The following PIK3C3 variants were observed in gnomAD, a reference collection of about 807,000 sequenced individuals.
The protein encoded by PIK3C3 is PI3-kinase type 3.
A neutral mutation model predicts 126.1 loss-of-function variants in PIK3C3; 95 were observed. That is an observed-to-expected ratio of 0.75 (90% CI 0.64 to 0.89). PIK3C3 has a LOEUF of 0.89. Among genes scored for constraint, PIK3C3 ranks in the 40% least tolerant of loss-of-function variants. PIK3C3 has a pLI of 0.00. For missense variants in PIK3C3, 829 were observed against 1,063.2 expected, an observed-to-expected ratio of 0.78 and a Z score of 3.06; for synonymous variants, 374 against 360.0, an observed-to-expected ratio of 1.04 and a Z score of -0.44.
intron 24 of PIK3C3, 150 bp from the exon 25 acceptor site, chr18:42,080,973 G>C (rs1011559833): frequency 1.8e-6 from 1 of 549,724 alleles, no homozygotes; most frequent in African/African-American, 1.9e-5. Context: ...ATACAGTATA[G>C]TTAATTGCAA....
rs1598925900 is a variant in PIK3C3, at chr18:42,043,681, T to G, written c.2104-52T>G. ...TCACTATTTATAGTTTCAAAACACC[T>G]AGTTTGTTTGTTTGTACTTAATTCT... is the stretch of plus-strand genomic sequence containing the variant. On this transcript the variant is annotated intron_variant, in intron 19 of 24. Transcript: ENST00000262039. 6 of 1,177,706 alleles carry G rather than the reference T, an allele frequency of 5.1e-6. No homozygotes were observed. The East Asian group carries it at 1.4e-4, about 28-fold the overall frequency. 73.0% of individuals were successfully genotyped at this position (1,177,706 alleles called of 1,614,324 possible).
At chr18:42,009,861 G>C (rs950985680) in intron 10 of PIK3C3, among the ~76,000 whole-genome samples, 6 of 152,044 alleles carry the variant, frequency 3.9e-5, no homozygotes, top group African/African-American at 1.4e-4. Flanking sequence ...CCCTTAGCAA[G>C]TTGTAGTCTT....
Position 42,081,272 on chromosome 18 carries a change from A to G in PIK3C3, c.*135A>G. On this transcript the variant is annotated 3_prime_UTR_variant, in exon 25 of 25. Coordinates refer to ENST00000262039, the MANE Select transcript of PIK3C3 (RefSeq NM_002647.4). ...CTTCAAGTTACCATATTTTCCAAAT[A>G]TTACATGGTACCTGAGTTCTGCTTC... 1.8e-6 allele frequency: 1 copy of G among 570,616 alleles called. No homozygotes were observed. The highest frequency in any genetic ancestry group is 3.1e-6 in the Non-Finnish European group (1 of 318,868). 35.3% of individuals were successfully genotyped at this position (570,616 alleles called of 1,614,324 possible). A position where few individuals can be genotyped will look rare whatever the true frequency, so the allele number is the denominator to read the frequency against.
chr18:42,020,979 G>A (rs557991024), intron 13 of PIK3C3, among the ~76,000 whole-genome samples: 8 of 152,074 alleles, frequency 5.3e-5, no homozygotes, highest in Admixed American at 2.0e-4. Context: ...TATCTGTTTG[G>A]CATGTAAAGT....
intron 12 of PIK3C3, among the ~76,000 whole-genome samples, chr18:42,017,520 A>G (rs1983129541): frequency 6.6e-6 from 1 of 152,056 alleles, no homozygotes; most frequent in African/African-American, 2.4e-5. Flanking sequence ...TTTCTGCTTT[A>G]TCTGTGAAAG....
At chr18:42,046,439 A>G (rs1364200817) in intron 20 of PIK3C3, among the ~76,000 whole-genome samples, 1 of 152,170 alleles carries the variant, frequency 6.6e-6, no homozygotes, top group African/African-American at 2.4e-5. Context: ...ATACACACAT[A>G]TCTTTACTAA....
intron 4 of PIK3C3, among the ~76,000 whole-genome samples, chr18:41,985,371 C>T (rs1172727887): frequency 2.0e-5 from 3 of 152,054 alleles, no homozygotes; most frequent in African/African-American, 7.2e-5. Context: ...CTGTGGAAAT[C>T]ATAAAATTAG....
intron 10 of PIK3C3, among the ~76,000 whole-genome samples, chr18:42,009,241 T>C (rs1982689643): frequency 6.6e-6 from 1 of 152,184 alleles, no homozygotes; most frequent in Non-Finnish European, 1.5e-5. Flanking sequence ...TAGAGAGACT[T>C]GATTTCCCTG....
intron 15 of PIK3C3, among the ~76,000 whole-genome samples, chr18:42,030,451 A>G (rs1983771936): frequency 2.0e-5 from 3 of 152,220 alleles, no homozygotes; most frequent in Admixed American, 6.5e-5. Context: ...TTGTAAAACA[A>G]CACATTTTAG....
At chr18:42,064,467 T>G (rs1021605876) in intron 22 of PIK3C3, among the ~76,000 whole-genome samples, 1 of 152,130 alleles carries the variant, frequency 6.6e-6, no homozygotes, top group African/African-American at 2.4e-5. Context: ...ATATATATAC[T>G]TACTAAAAAA....
chr18:42,041,770 T>G (rs557138551), intron 19 of PIK3C3, among the ~76,000 whole-genome samples: 4 of 152,340 alleles, frequency 2.6e-5, no homozygotes, highest in Non-Finnish European at 5.9e-5. Context: ...CTGATTCTTT[T>G]GCAAAGCAAG....
At chr18:41,977,065 A>G (rs1490922641) in intron 4 of PIK3C3, among the ~76,000 whole-genome samples, 4 of 152,196 alleles carry the variant, frequency 2.6e-5, no homozygotes. Context: ...AGGTAGATAG[A>G]ATATGAAGCA....
At chr18:42,075,426 A>G (rs954238263) in intron 24 of PIK3C3, among the ~76,000 whole-genome samples, 21 of 152,084 alleles carry the variant, frequency 1.4e-4, no homozygotes, top group Admixed American at 9.8e-4. Flanking sequence ...CCCAGATCTA[A>G]TTTATTTGAA....
Position 41,957,555 on chromosome 18 carries a change from G to C in PIK3C3, c.69-15G>C. ...AAAATTCATGTCTGAAACATTGTTG[G>C]TCTTGTGCTTTCAGAGGAAGCTTGG... On this transcript the variant is annotated splice_polypyrimidine_tract_variant and intron_variant, in intron 1 of 24. Coordinates refer to ENST00000262039, the MANE Select transcript of PIK3C3 (RefSeq NM_002647.4). The C allele has an allele frequency of 6.2e-7, 1 of 1,603,392 alleles. No individual in the cohort carries two copies.
At chr18:42,067,588 T>C in intron 24 of PIK3C3, 75 bp downstream of exon 24, 1 of 1,479,502 alleles carries the variant, frequency 6.8e-7, no homozygotes. Flanking sequence ...GAGCCATGCA[T>C]TTCTCCTGCC....
intron 3 of PIK3C3, among the ~76,000 whole-genome samples, chr18:41,964,674 G>T (rs933277960): frequency 6.6e-6 from 1 of 151,936 alleles, no homozygotes; most frequent in African/African-American, 2.4e-5. Flanking sequence ...AATATTTCCA[G>T]GTTTGTTTTG....
intron 21 of PIK3C3, among the ~76,000 whole-genome samples, chr18:42,051,480 A>G (rs1984800651): frequency 6.6e-6 from 1 of 151,996 alleles, no homozygotes; most frequent in African/African-American, 2.4e-5. Context: ...TAATCTATTA[A>G]TATAATGGTC....
chr18:41,996,825 C>T, intron 9 of PIK3C3, 95 bp downstream of exon 9: 1 of 686,158 alleles, frequency 1.5e-6, no homozygotes, highest in Non-Finnish European at 2.5e-6. Flanking sequence ...TTGTTATTGT[C>T]ACTTTAAAGA....
chr18:42,050,215 T>TA (rs1984741080), intron 21 of PIK3C3: 1 of 152,310 alleles, frequency 6.6e-6, no homozygotes, highest in East Asian at 1.9e-4. Flanking sequence ...TAGCTCTAGT[T>TA]AGATTGTTAA....
Sources: gnomAD v4.1 joint callset for allele counts (sites outside exome capture counted in the v4.1 genomes callset) on GRCh38, gnomAD v4.1.1 for gene constraint, MANE v1.5 for transcripts, NCBI Gene and HGNC (gene_info 2026-07-23, HGNC 2026-07-21) for gene names.